The following ZNF573 variants were observed in gnomAD, a reference collection of about 807,000 sequenced individuals.
ZNF573 encodes zinc finger protein 573.
In ZNF573, 41 loss-of-function variants were observed where a neutral mutation model predicts 57.4. The observed-to-expected ratio is 0.71, with a 90% CI of 0.56 to 0.93. ZNF573 has a LOEUF of 0.93. ZNF573 is among the 40% of genes least tolerant of loss of function. The probability of loss-of-function intolerance (pLI) is 0.00; values close to 1 mark genes in which losing one functional copy is unlikely to be tolerated. For synonymous variants in ZNF573, 249 were observed against 261.0 expected, an observed-to-expected ratio of 0.95 and a Z score of 0.44; for missense variants, 730 against 794.8, an observed-to-expected ratio of 0.92 and a Z score of 0.98.
At chr19:37,752,075 GTA>G (rs1188192613) in intron 4 of ZNF573, among the ~76,000 whole-genome samples, 1 of 151,214 alleles carries the variant, frequency 6.6e-6, no homozygotes, top group Non-Finnish European at 1.5e-5. Flanking sequence ...GACTATGTGT[GTA>G]TATATATACA....
intron 4 of ZNF573, among the ~76,000 whole-genome samples, chr19:37,745,222 C>A (rs1325004059): frequency 1.3e-5 from 2 of 152,020 alleles, no homozygotes; most frequent in African/African-American, 4.8e-5. Context: ...CCACAGGCAC[C>A]CACCACTATG....
intron 4 of ZNF573, among the ~76,000 whole-genome samples, chr19:37,746,602 C>T (rs142535372): frequency 2.6e-4 from 39 of 151,454 alleles, no homozygotes; most frequent in African/African-American, 9.2e-4. Flanking sequence ...TTTTTTGGGA[C>T]GGAGTCTTGC....
At chr19:37,774,203 T>C (rs2045686551) in intron 1 of ZNF573, among the ~76,000 whole-genome samples, 1 of 146,216 alleles carries the variant, frequency 6.8e-6, no homozygotes, top group Admixed American at 7.2e-5. Flanking sequence ...AGTGGTGAGA[T>C]CTTGGCTCGC....
At chr19:37,773,358 G>A (rs2045676728) in intron 2 of ZNF573, among the ~76,000 whole-genome samples, 1 of 152,092 alleles carries the variant, frequency 6.6e-6, no homozygotes, top group African/African-American at 2.4e-5. Context: ...CCAAACTAAG[G>A]ACCTATAAAG....
At chr19:37,743,319 CAA>C (rs74174484) in intron 4 of ZNF573, among the ~76,000 whole-genome samples, 3 of 99,980 alleles carry the variant, frequency 3.0e-5, no homozygotes, top group Admixed American at 1.2e-4. Context: ...GAATCCATCT[CAA>C]AAAAAAAAAA....
chr19:37,762,342 C>T (rs2045560484), intron 4 of ZNF573, among the ~76,000 whole-genome samples: 1 of 152,082 alleles, frequency 6.6e-6, no homozygotes, highest in Admixed American at 6.5e-5. Flanking sequence ...TATAAAAGGA[C>T]ATTACTGGGA....
rs757104813 is a variant in ZNF573 at position 37,739,871 on chromosome 19, C to T, written c.619G>A (p.Val207Met). The T allele has an allele frequency of 1.2e-6, 2 of 1,613,814 alleles. No individual in the cohort carries two copies. Among genetic ancestry groups the T allele is most frequent in the South Asian group, 1.1e-5 (1 of 91,054 alleles). Residue 207 changes from valine to methionine, a missense_variant, in exon 5 of 5, where the codon GTG (valine) becomes ATG (methionine). By Grantham distance (21) the Val-to-Met change is conservative (BLOSUM62 1). Coordinates refer to ENST00000536220, the MANE Select transcript of ZNF573 (RefSeq NM_001172690.2). ...KNFRSGYQLT[V>M]HQRFHTGEKT... ...TCACCAGTATGAAATCTCTGATGCA[C>T]AGTCAGCTGATAACCACTTCTAAAG...
chr19:37,774,872 T>C (rs2045693176), intron 1 of ZNF573, among the ~76,000 whole-genome samples: 1 of 152,198 alleles, frequency 6.6e-6, no homozygotes, highest in African/African-American at 2.4e-5. Context: ...TCATAATCAT[T>C]TTAACACTGT....
chr19:37,763,744 C>A (rs1314432702), intron 4 of ZNF573, among the ~76,000 whole-genome samples: 1 of 151,816 alleles, frequency 6.6e-6, no homozygotes, highest in Non-Finnish European at 1.5e-5. Flanking sequence ...TACTAATGTT[C>A]TAAGAATGTT....
intron 4 of ZNF573, among the ~76,000 whole-genome samples, chr19:37,750,779 C>T (rs946473999): frequency 5.5e-5 from 8 of 145,712 alleles, no homozygotes; most frequent in Non-Finnish European, 1.0e-4. Flanking sequence ...AGCAGTGAGC[C>T]GAGATCACAC....
At chr19:37,752,244 A>G (rs2045445206) in intron 4 of ZNF573, among the ~76,000 whole-genome samples, 1 of 152,188 alleles carries the variant, frequency 6.6e-6, no homozygotes, top group Non-Finnish European at 1.5e-5. Context: ...TGTATCACAT[A>G]TGAAAATTAA....
At chr19:37,750,929 A>G (rs1420164595) in intron 4 of ZNF573, among the ~76,000 whole-genome samples, 31 of 151,836 alleles carry the variant, frequency 2.0e-4, no homozygotes, top group Admixed American at 2.0e-3. Flanking sequence ...AATAGCCAAA[A>G]CAATCTTGAA....
chr19:37,739,896 G>A lies in ZNF573; in HGVS notation c.594C>T (p.Asn198=), dbSNP rs2045308613. 1 of 1,613,910 alleles carries A rather than the reference G, an allele frequency of 6.2e-7. No homozygotes were observed. Among genetic ancestry groups the A allele is most frequent in the Admixed American group, 1.7e-5 (1 of 59,990 alleles). The change falls in exon 5 of 5, where the codon AAC becomes AAT. Residue 198 remains asparagine, a synonymous_variant. Transcript: ENST00000536220. ...CAGTCAGCTGATAACCACTTCTAAA[G>A]TTCTTCCCACATTCTGTACATTCAT... ...KPYECTECGK[N]FRSGYQLTVH...
At chr19:37,775,842 CAAAAA>C (rs11390183) in intron 1 of ZNF573, among the ~76,000 whole-genome samples, 1 of 125,222 alleles carries the variant, frequency 8.0e-6, no homozygotes, top group Non-Finnish European at 1.7e-5. Context: ...ACAACAGCTG[CAAAAA>C]AAAAAAAAAA....
At chr19:37,778,742 A>G (rs1376111987) in intron 1 of ZNF573, among the ~76,000 whole-genome samples, 1 of 152,112 alleles carries the variant, frequency 6.6e-6, no homozygotes, top group East Asian at 1.9e-4. Flanking sequence ...GGAGAAAAAA[A>G]TCATGAGTTA....
At chr19:37,759,247 A>G (rs772928470) in intron 4 of ZNF573, 4 of 532,774 alleles carry the variant, frequency 7.5e-6, no homozygotes, top group African/African-American at 2.1e-5. Flanking sequence ...TGACAAGAAC[A>G]TAGCACCATT....
chr19:37,764,459 T>C (rs762364875), intron 4 of ZNF573, among the ~76,000 whole-genome samples: 3 of 151,944 alleles, frequency 2.0e-5, no homozygotes, highest in Non-Finnish European at 4.4e-5. Context: ...TAGCTGGGAC[T>C]ACAGACCAGT....
At chr19:37,760,317 A>G (rs556489256) in intron 4 of ZNF573, among the ~76,000 whole-genome samples, 15 of 149,204 alleles carry the variant, frequency 1.0e-4, no homozygotes, top group African/African-American at 3.4e-4. Context: ...AACTTGTAGT[A>G]CCAGAAAATA....
intron 1 of ZNF573, among the ~76,000 whole-genome samples, chr19:37,777,244 C>A (rs957841874): frequency 2.6e-5 from 4 of 152,026 alleles, no homozygotes; most frequent in African/African-American, 9.7e-5. Flanking sequence ...GAACTCCTGG[C>A]CTTAAGTGAT....
Sources: allele counts gnomAD v4.1 joint callset (sites outside exome capture counted in the v4.1 genomes callset), GRCh38; gene constraint gnomAD v4.1.1; transcripts MANE v1.5; gene names NCBI Gene and HGNC (gene_info 2026-07-23, HGNC 2026-07-21).